ADGRL4: variants seen among roughly 807,000 people sequenced by gnomAD.
The protein encoded by ADGRL4 is EGF, latrophilin and seven transmembrane domain containing 1.
ADGRL4 carries 90 observed loss-of-function variants against 74.8 expected under a neutral mutation model. That is an observed-to-expected ratio of 1.20 (90% CI 1.02 to 1.43). The LOEUF is 1.43. Among genes scored for constraint, ADGRL4 ranks in the 40% most tolerant of loss-of-function variants. The pLI is 0.00. For synonymous variants in ADGRL4, 311 were observed against 279.2 expected, an observed-to-expected ratio of 1.11 and a Z score of -1.14; for missense variants, 881 against 814.3, an observed-to-expected ratio of 1.08 and a Z score of -1.00.
intron 12 of ADGRL4, among the ~76,000 whole-genome samples, chr1:78,901,153 A>T (rs536670768): frequency 6.6e-6 from 1 of 152,182 alleles, no homozygotes; most frequent in Non-Finnish European, 1.5e-5. Flanking sequence ...ATTTGGGGGC[A>T]TATTTACACT....
chr1:78,921,758 G>T lies in ADGRL4; in HGVS notation c.1112C>A (p.Ala371Glu). The T allele has an allele frequency of 6.3e-7, 1 of 1,594,298 alleles. No individual in the cohort carries two copies. Among genetic ancestry groups the T allele is most frequent in the South Asian group, 1.1e-5 (1 of 88,310 alleles). Residue 371 changes from alanine (A) to glutamate (E), a missense_variant, in exon 9 of 15, where the codon GCA becomes GAA. By Grantham distance (107) the Ala-to-Glu change is moderately radical. Coordinates refer to ENST00000370742, the MANE Select transcript of ADGRL4 (RefSeq NM_022159.4). ...KVTDRYRSLC[A>E]FWNYSPDTMN... ...GGTATCAGGTGAGTAATTCCAAAAT[G>T]CACATAGACTCCTATACCTATCTGT...
intron 12 of ADGRL4, among the ~76,000 whole-genome samples, chr1:78,894,449 G>A (rs1648352473): frequency 6.6e-6 from 1 of 151,768 alleles, no homozygotes; most frequent in South Asian, 2.1e-4. Flanking sequence ...TTGTAGAGGT[G>A]AGATAAAGAA....
chr1:79,002,848 A>C (rs1454285750), intron 2 of ADGRL4, among the ~76,000 whole-genome samples: 4 of 152,066 alleles, frequency 2.6e-5, no homozygotes, highest in Admixed American at 6.5e-5. Flanking sequence ...AAAATGATTA[A>C]ATTAAATAAA....
chr1:78,996,428 T>C (rs1017634377), intron 2 of ADGRL4, among the ~76,000 whole-genome samples: 2 of 152,232 alleles, frequency 1.3e-5, no homozygotes, highest in African/African-American at 4.8e-5. Flanking sequence ...AAGTAAACTA[T>C]ACTCTTCTTT....
chr1:78,935,546 A>G (rs1034213131), intron 7 of ADGRL4, among the ~76,000 whole-genome samples: 6 of 151,400 alleles, frequency 4.0e-5, no homozygotes, highest in African/African-American at 1.5e-4. Flanking sequence ...AAAAAAACAA[A>G]CCTACTTTAA....
intron 2 of ADGRL4, among the ~76,000 whole-genome samples, chr1:79,003,768 A>T (rs7523709): frequency 0.047 from 7,075 of 152,102 alleles, 556 homozygotes; most frequent in African/African-American, 0.16. Flanking sequence ...ATTTGTAATG[A>T]TTAGTGGAAA....
intron 9 of ADGRL4, 83 bp downstream of exon 9, chr1:78,921,530 A>G (rs1433962091): frequency 4.4e-6 from 4 of 909,312 alleles, no homozygotes; most frequent in Non-Finnish European, 6.2e-6. Flanking sequence ...AAAATATATA[A>G]AAAATTAAAT....
At chr1:78,920,690 TAGAA>T (rs1475782546) in intron 9 of ADGRL4, among the ~76,000 whole-genome samples, 8 of 151,872 alleles carry the variant, frequency 5.3e-5, no homozygotes, top group African/African-American at 1.9e-4. Context: ...TTCACTACAT[TAGAA>T]AGGCAATCGA....
intron 12 of ADGRL4, among the ~76,000 whole-genome samples, chr1:78,908,243 A>C (rs1453569808): frequency 6.6e-6 from 1 of 151,992 alleles, no homozygotes; most frequent in Non-Finnish European, 1.5e-5. Context: ...TTACTTTCAG[A>C]GGATGATCAG....
chr1:78,984,544 A>T (rs1650457211), intron 2 of ADGRL4, among the ~76,000 whole-genome samples: 1 of 151,752 alleles, frequency 6.6e-6, no homozygotes, highest in African/African-American at 2.4e-5. Flanking sequence ...AAAGGCACAA[A>T]ATGTAGTGTA....
At position 78,898,481 on chromosome 1, in the gene ADGRL4, T is replaced by C. The variant is rs142478484; in HGVS notation, c.1750-5292A>G. Among the ~76,000 whole-genome samples the C allele has an allele frequency of 1.7e-3, 257 of 152,116 alleles. 1 individual carries two copies. The highest frequency in any genetic ancestry group is 6.0e-3 in the African/African-American group (248 of 41,526). ...CCAGGGATAACTAATGATTTGTAAA[T>C]GAATATTCCTTCATTATCACTTTTG... On this transcript the variant is annotated intron_variant, in intron 12 of 14. Transcript: ENST00000370742.
intron 2 of ADGRL4, among the ~76,000 whole-genome samples, chr1:78,991,100 A>G (rs1395011540): frequency 6.6e-6 from 1 of 152,034 alleles, no homozygotes; most frequent in Non-Finnish European, 1.5e-5. Flanking sequence ...TCCCCATGCT[A>G]GTTGTAAATG....
At chr1:78,997,373 T>C (rs1425011138) in intron 2 of ADGRL4, among the ~76,000 whole-genome samples, 1 of 152,132 alleles carries the variant, frequency 6.6e-6, no homozygotes, top group Non-Finnish European at 1.5e-5. Context: ...TTAACCTCAA[T>C]CTTATGGTGG....
In ADGRL4 at chr1:78,915,188, C is replaced by G. The variant is rs150629253; in HGVS notation, c.1749+2446G>C. Among the ~76,000 whole-genome samples the G allele has an allele frequency of 2.8e-3, 423 of 151,982 alleles. 2 individuals are homozygous for G. Among genetic ancestry groups the G allele is most frequent in the African/African-American group, 9.6e-3 (400 of 41,506 alleles). On this transcript the variant is annotated intron_variant, in intron 12 of 14. Transcript: ENST00000370742. ...ATTACTAGGGACACTGTATAATAAT[C>G]TTTTCTGTCCCTGCTGTTGAAGAAT...
chr1:78,921,203 A>G (rs1007296057), intron 9 of ADGRL4, among the ~76,000 whole-genome samples: 1 of 151,616 alleles, frequency 6.6e-6, no homozygotes, highest in Non-Finnish European at 1.5e-5. Flanking sequence ...GATGTTAGTT[A>G]TAAGTGTGCT....
intron 12 of ADGRL4, among the ~76,000 whole-genome samples, chr1:78,904,299 C>A (rs916963129): frequency 5.3e-5 from 8 of 151,866 alleles, no homozygotes; most frequent in Non-Finnish European, 1.0e-4. Context: ...GTCATTTAAA[C>A]CAAGTATTGA....
chr1:78,952,746 C>T (rs186495403), intron 2 of ADGRL4, among the ~76,000 whole-genome samples: 33 of 152,116 alleles, frequency 2.2e-4, no homozygotes, highest in African/African-American at 7.5e-4. Flanking sequence ...CAGAGTTATA[C>T]AAGAATAAAA....
At chr1:78,940,406 CT>C (rs1649451600) in intron 3 of ADGRL4, among the ~76,000 whole-genome samples, 1 of 152,040 alleles carries the variant, frequency 6.6e-6, no homozygotes, top group Non-Finnish European at 1.5e-5. Flanking sequence ...AGAATTAAGT[CT>C]TACATTCTCA....
At chr1:78,996,124 G>A (rs952095591) in intron 2 of ADGRL4, among the ~76,000 whole-genome samples, 1 of 152,140 alleles carries the variant, frequency 6.6e-6, no homozygotes, top group African/African-American at 2.4e-5. Context: ...ATAAAGTAGT[G>A]GTTAAATGAA....
Sources: gnomAD v4.1 joint callset for allele counts (sites outside exome capture counted in the v4.1 genomes callset) on GRCh38, gnomAD v4.1.1 for gene constraint, MANE v1.5 for transcripts, NCBI Gene and HGNC (gene_info 2026-07-23, HGNC 2026-07-21) for gene names.